The following SH3PXD2A variants were observed in gnomAD, a reference collection of about 807,000 sequenced individuals.
SH3PXD2A encodes SH3 and PX domains 2A.
A neutral mutation model predicts 115.2 loss-of-function variants in SH3PXD2A; 32 were observed. That is an observed-to-expected ratio of 0.28 (90% CI 0.21 to 0.37). The LOEUF (loss-of-function observed/expected upper bound fraction) is 0.37, where lower values mean the gene tolerates loss of function less well. SH3PXD2A is among the 10% of genes least tolerant of loss of function. The probability of loss-of-function intolerance (pLI) is 1.00; values close to 1 mark genes in which losing one functional copy is unlikely to be tolerated. For synonymous variants in SH3PXD2A, 610 were observed against 629.1 expected, an observed-to-expected ratio of 0.97 and a Z score of 0.45; for missense variants, 1,328 against 1,498.7, an observed-to-expected ratio of 0.89 and a Z score of 1.88.
intron 10 of SH3PXD2A, among the ~76,000 whole-genome samples, chr10:103,622,249 T>C (rs549903943): frequency 7.2e-5 from 11 of 152,178 alleles, no homozygotes; most frequent in African/African-American, 2.6e-4. Context: ...ATGACCCTCA[T>C]ACCCAGGAGG....
chr10:103,765,296 C>T (rs946303241), intron 3 of SH3PXD2A, among the ~76,000 whole-genome samples: 2 of 152,136 alleles, frequency 1.3e-5, no homozygotes, highest in Admixed American at 6.5e-5. Context: ...CTCCAGGCCC[C>T]CCTCGTTCAG....
intron 7 of SH3PXD2A, among the ~76,000 whole-genome samples, chr10:103,662,856 A>G (rs1205539306): frequency 6.6e-6 from 1 of 151,588 alleles, no homozygotes. Context: ...CCAGGCTGGA[A>G]TGCAGTGGTG....
rs1342744562 is a variant in SH3PXD2A at position 103,756,033 on chromosome 10, G to C, written c.229+11061C>G. Among the ~76,000 whole-genome samples the C allele has an allele frequency of 6.6e-6, 1 of 152,188 alleles. No individual in the cohort carries two copies. The highest frequency in any genetic ancestry group is 1.9e-4 in the East Asian group (1 of 5,176). On this transcript the variant is annotated intron_variant, in intron 3 of 14. Coordinates refer to ENST00000369774, the MANE Select transcript of SH3PXD2A (RefSeq NM_001394015.1). This position sits in a 1 kb window ranked among gnomAD's most constrained non-coding sequence, Gnocchi z 4.4. ...TTTGAAGGTACATTCAGATGAACGG[G>C]CTCCATCTTCAGGCCATGCCAGTCC...
rs1158698581 is a variant in SH3PXD2A, at chr10:103,767,087, T to C, written c.229+7A>G. 2.5e-6 allele frequency: 4 copies of C among 1,611,804 alleles called. No homozygotes were observed. The highest frequency in any genetic ancestry group is 3.4e-6 in the Non-Finnish European group (4 of 1,178,082). On this transcript the variant is annotated splice_region_variant and intron_variant, in intron 3 of 14. Coordinates refer to ENST00000369774, the MANE Select transcript of SH3PXD2A (RefSeq NM_001394015.1). Reference sequence around the variant, plus strand: ...CCCATCCCTGGGTGGAGCCACCCAATGCTTACCTGGGAGGAAGGGGATGAT... The same window carrying C: ...CCCATCCCTGGGTGGAGCCACCCAACGCTTACCTGGGAGGAAGGGGATGAT...
chr10:103,733,014 T>C (rs1300692258), intron 4 of SH3PXD2A, among the ~76,000 whole-genome samples: 1 of 152,084 alleles, frequency 6.6e-6, no homozygotes, highest in African/African-American at 2.4e-5. Flanking sequence ...AGACCACAGA[T>C]CCCAGCTTCT....
chr10:103,617,806 T>C (rs1205812738), intron 10 of SH3PXD2A, among the ~76,000 whole-genome samples: 1 of 152,190 alleles, frequency 6.6e-6, no homozygotes, highest in East Asian at 1.9e-4. Context: ...CTCAGCCTCT[T>C]GCATCCTTCC....
At chr10:103,707,340 G>A (rs1592311837) in intron 5 of SH3PXD2A, among the ~76,000 whole-genome samples, 1 of 151,468 alleles carries the variant, frequency 6.6e-6, no homozygotes, top group African/African-American at 2.4e-5. Flanking sequence ...GATTACAGAT[G>A]CCCGCCAGCC....
At chr10:103,668,746 GGCGCCGCGCTC>G (rs1164279143) in intron 6 of SH3PXD2A, 94 bp from the exon 7 acceptor site, 1 of 1,168,480 alleles carries the variant, frequency 8.6e-7, no homozygotes. Flanking sequence ...AGTGGCTGCA[GGCGCCGCGCTC>G]GGCCAGCCGC....
chr10:103,835,278 G>A (rs2039525741), intron 1 of SH3PXD2A, among the ~76,000 whole-genome samples: 1 of 152,218 alleles, frequency 6.6e-6, no homozygotes. Context: ...ATTTCCCACT[G>A]CTCTGACGTG....
chr10:103,763,265 G>A (rs982093094), intron 3 of SH3PXD2A, among the ~76,000 whole-genome samples: 2 of 152,156 alleles, frequency 1.3e-5, no homozygotes, highest in African/African-American at 4.8e-5. Flanking sequence ...GCAGCCACAT[G>A]GGCCAAAGCA....
At chr10:103,727,713 C>T (rs1033636129) in intron 4 of SH3PXD2A, among the ~76,000 whole-genome samples, 1 of 152,220 alleles carries the variant, frequency 6.6e-6, no homozygotes, top group Admixed American at 6.5e-5. Flanking sequence ...AGGCAGAGGA[C>T]GCGTGGGCCA....
At chr10:103,697,847 C>T (rs1200017857) in intron 5 of SH3PXD2A, among the ~76,000 whole-genome samples, 1 of 152,176 alleles carries the variant, frequency 6.6e-6, no homozygotes, top group East Asian at 1.9e-4. Context: ...GAACAATTCA[C>T]ATGTGTTGTT....
intron 8 of SH3PXD2A, among the ~76,000 whole-genome samples, chr10:103,653,517 A>G (rs1378551203): frequency 6.6e-6 from 1 of 152,112 alleles, no homozygotes; most frequent in Non-Finnish European, 1.5e-5. Flanking sequence ...ATAACTATTC[A>G]AGGAAAATGG....
At chr10:103,747,909 C>A (rs35173046) in intron 3 of SH3PXD2A, among the ~76,000 whole-genome samples, 14 of 152,080 alleles carry the variant, frequency 9.2e-5, no homozygotes, top group African/African-American at 3.4e-4. Flanking sequence ...TTCAGCCTCC[C>A]AAAGTGCTGA....
At chr10:103,847,339 G>A (rs1288987880) in intron 1 of SH3PXD2A, among the ~76,000 whole-genome samples, 1 of 151,206 alleles carries the variant, frequency 6.6e-6, no homozygotes, top group Admixed American at 6.6e-5. Flanking sequence ...TTTGAGACAG[G>A]GTCTCACTCT....
chr10:103,735,125 C>T (rs2038365608), intron 4 of SH3PXD2A, among the ~76,000 whole-genome samples: 1 of 152,260 alleles, frequency 6.6e-6, no homozygotes. Context: ...ATGCTCTCTG[C>T]AGCAGCGCTG....
chr10:103,662,192 C>A (rs2037316264), intron 7 of SH3PXD2A, among the ~76,000 whole-genome samples: 1 of 152,092 alleles, frequency 6.6e-6, no homozygotes, highest in African/African-American at 2.4e-5. Flanking sequence ...CTTCTCTGTC[C>A]TCCTCAGCCA....
At chr10:103,752,064 C>T (rs1274355708) in intron 3 of SH3PXD2A, among the ~76,000 whole-genome samples, 1 of 152,206 alleles carries the variant, frequency 6.6e-6, no homozygotes, top group Non-Finnish European at 1.5e-5. Flanking sequence ...TTCACCAAGT[C>T]AGTGAGGGGC....
chr10:103,757,103 A>C (rs929194730), intron 3 of SH3PXD2A, among the ~76,000 whole-genome samples: 1 of 152,186 alleles, frequency 6.6e-6, no homozygotes, highest in African/African-American at 2.4e-5. Flanking sequence ...CTCTCTCAGC[A>C]TGGAGGGAAA....
Sources: gnomAD v4.1 joint callset for allele counts (sites outside exome capture counted in the v4.1 genomes callset) on GRCh38, gnomAD v4.1.1 for gene constraint, Gnocchi (gnomAD v3.1) non-coding constraint, MANE v1.5 for transcripts, NCBI Gene and HGNC (gene_info 2026-07-23, HGNC 2026-07-21) for gene names.